SPAG16: variants seen among roughly 807,000 people sequenced by gnomAD.
The protein encoded by SPAG16 is sperm-associated antigen 16 protein.
In SPAG16, 86 loss-of-function variants were observed where a neutral mutation model predicts 80.4. The ratio of observed to expected loss-of-function variants is 1.07; its 90% CI spans 0.90 to 1.28. SPAG16 has a LOEUF of 1.28. Ranked by LOEUF, SPAG16 falls within the 50% of genes most tolerant of loss-of-function variation. The pLI is 0.00. For synonymous variants in SPAG16, 294 were observed against 265.9 expected (o/e 1.11, Z -1.03); for missense variants, 870 against 765.3 (o/e 1.14, Z -1.61).
intron 10 of SPAG16, among the ~76,000 whole-genome samples, chr2:213,783,312 TA>T (rs947620291): frequency 3.5e-5 from 1 of 28,710 alleles, no homozygotes; most frequent in African/African-American, 8.3e-5. Context: ...AAACTTAGAG[TA>T]TAATAAAAAA....
intron 5 of SPAG16, among the ~76,000 whole-genome samples, chr2:213,333,074 C>G (rs577704260): frequency 3.3e-5 from 5 of 151,968 alleles, no homozygotes; most frequent in Admixed American, 3.3e-4. Flanking sequence ...GTCAAATTAT[C>G]CTTGTTTGCA....
chr2:213,636,981 C>CAGTA (rs2062386710), intron 10 of SPAG16, among the ~76,000 whole-genome samples: 1 of 152,142 alleles, frequency 6.6e-6, no homozygotes, highest in Non-Finnish European at 1.5e-5. Flanking sequence ...CCAGGACTTC[C>CAGTA]AGTACTATGT....
intron 10 of SPAG16, among the ~76,000 whole-genome samples, chr2:213,567,876 G>A (rs1317086045): frequency 6.2e-4 from 18 of 29,188 alleles, no homozygotes; most frequent in African/African-American, 2.7e-3. Flanking sequence ...CTATTTCTCC[G>A]CATCCTCTCC....
rs1233989418 is a variant in SPAG16 at position 214,410,422 on chromosome 2, T to C, written c.*107T>C. ...GTTAAATGTGCCAGCAGGTAACATT[T>C]ACAGTCTGCTTTAAAACATGCTTTG... On this transcript the variant is annotated 3_prime_UTR_variant, in exon 16 of 16. Coordinates refer to ENST00000331683, the MANE Select transcript of SPAG16 (RefSeq NM_024532.5). The C allele has an allele frequency of 1.1e-5, 12 of 1,061,074 alleles. No homozygotes were observed. The highest frequency in any genetic ancestry group is 3.1e-4 in the Middle Eastern group (1 of 3,230). 65.7% of individuals were successfully genotyped at this position (1,061,074 alleles called of 1,614,324 possible). A position where few individuals can be genotyped will look rare whatever the true frequency, so the allele number is the denominator to read the frequency against.
chr2:213,368,435 A>G (rs1006719544), intron 8 of SPAG16, among the ~76,000 whole-genome samples: 2 of 152,212 alleles, frequency 1.3e-5, no homozygotes, highest in Admixed American at 6.5e-5. Context: ...AGAGCTATTT[A>G]TGACAAACCC....
At chr2:213,345,566 G>A (rs371094813) in intron 6 of SPAG16, among the ~76,000 whole-genome samples, 5 of 126,364 alleles carry the variant, frequency 4.0e-5, no homozygotes, top group African/African-American at 1.5e-4. Flanking sequence ...TATAAGGTGT[G>A]AGGAAGGGAT....
chr2:213,687,527 T>G (rs897485121), intron 10 of SPAG16, among the ~76,000 whole-genome samples: 2 of 152,228 alleles, frequency 1.3e-5, no homozygotes, highest in Non-Finnish European at 2.9e-5. Flanking sequence ...TCTTCCAGGT[T>G]ATAAAATTCT....
chr2:214,232,014 G>A (rs1688734018), intron 15 of SPAG16, among the ~76,000 whole-genome samples: 1 of 151,854 alleles, frequency 6.6e-6, no homozygotes, highest in Admixed American at 6.6e-5. Context: ...TAGTGGATAT[G>A]TTTTTAAAAG....
At chr2:213,438,487 C>A (rs2070760890) in intron 9 of SPAG16, among the ~76,000 whole-genome samples, 1 of 152,194 alleles carries the variant, frequency 6.6e-6, no homozygotes, top group African/African-American at 2.4e-5. Context: ...TACATATTGC[C>A]TATGGCTGCT....
At chr2:214,157,048 C>T (rs1274936671) in intron 15 of SPAG16, among the ~76,000 whole-genome samples, 1 of 152,068 alleles carries the variant, frequency 6.6e-6, no homozygotes, top group African/African-American at 2.4e-5. Context: ...ATTGTATATG[C>T]AAATCCATTT....
chr2:213,422,156 G>T (rs1196532723), intron 9 of SPAG16: 2 of 699,186 alleles, frequency 2.9e-6, no homozygotes, highest in Non-Finnish European at 5.2e-6. Context: ...AAGGAGAGAA[G>T]AGCTGTGGCC....
At chr2:213,645,642 C>T (rs1179859583) in intron 10 of SPAG16, among the ~76,000 whole-genome samples, 2 of 152,090 alleles carry the variant, frequency 1.3e-5, no homozygotes, top group Non-Finnish European at 2.9e-5. Flanking sequence ...AAAGTCCTCT[C>T]CCTTCTTCTC....
intron 12 of SPAG16, among the ~76,000 whole-genome samples, chr2:214,010,439 C>A (rs13387941): frequency 0.33 from 48,185 of 145,694 alleles, 11,277 homozygotes; most frequent in South Asian, 0.62. Flanking sequence ...AAAGTCTAGG[C>A]ATAATAGGTG....
At chr2:213,508,071 A>G (rs1180263142) in intron 10 of SPAG16, among the ~76,000 whole-genome samples, 3 of 152,202 alleles carry the variant, frequency 2.0e-5, no homozygotes, top group African/African-American at 4.8e-5. Flanking sequence ...TAGAACTAGA[A>G]ATACCATTTG....
chr2:214,280,798 C>T, intron 15 of SPAG16: 1 of 452,294 alleles, frequency 2.2e-6, no homozygotes, highest in Non-Finnish European at 4.3e-6. Flanking sequence ...GCAGCATGAG[C>T]TTTCTTATAC....
At chr2:213,974,837 T>A (rs1488579301) in intron 12 of SPAG16, among the ~76,000 whole-genome samples, 1 of 151,796 alleles carries the variant, frequency 6.6e-6, no homozygotes, top group Non-Finnish European at 1.5e-5. Context: ...ATGGTAGAGC[T>A]GGGATTTGAA....
intron 10 of SPAG16, among the ~76,000 whole-genome samples, chr2:213,505,438 A>G (rs906321326): frequency 5.9e-5 from 9 of 152,026 alleles, no homozygotes; most frequent in Non-Finnish European, 1.2e-4. Context: ...TTGGTATTCT[A>G]TTTTGAAAGG....
intron 11 of SPAG16, among the ~76,000 whole-genome samples, chr2:213,891,148 A>G (rs1380257308): frequency 6.6e-6 from 1 of 152,052 alleles, no homozygotes; most frequent in Admixed American, 6.6e-5. Flanking sequence ...CAATTTTACT[A>G]TGGTTATTTC....
At chr2:213,902,223 G>GA (rs1356524871) in intron 11 of SPAG16, among the ~76,000 whole-genome samples, 1 of 152,192 alleles carries the variant, frequency 6.6e-6, no homozygotes, top group African/African-American at 2.4e-5. Flanking sequence ...AGGTAAAGCA[G>GA]AGGCCCACAA....
Sources: allele counts gnomAD v4.1 joint callset (sites outside exome capture counted in the v4.1 genomes callset), GRCh38; gene constraint gnomAD v4.1.1; transcripts MANE v1.5; gene names NCBI Gene and HGNC (gene_info 2026-07-23, HGNC 2026-07-21).